Variants in ASTN2 observed in about 807,000 individuals in gnomAD.
ASTN2 encodes the protein astrotactin 2.
Under a neutral mutation model 139.8 loss-of-function variants are expected in ASTN2, and 54 were observed. The ratio of observed to expected loss-of-function variants is 0.39; its 90% CI spans 0.31 to 0.48. ASTN2 has a LOEUF of 0.48. Among genes scored for constraint, ASTN2 ranks in the 20% least tolerant of loss-of-function variants. ASTN2 has a pLI of 0.95. For synonymous variants in ASTN2, 756 were observed against 719.5 expected (o/e 1.05, Z -0.81); for missense variants, 1,565 against 1,725.1 (o/e 0.91, Z 1.64).
intron 1 of ASTN2, among the ~76,000 whole-genome samples, chr9:117,365,879 T>C (rs1421002728): frequency 6.6e-6 from 1 of 152,188 alleles, no homozygotes; most frequent in East Asian, 1.9e-4. Flanking sequence ...ACTTCTCTTA[T>C]TGCTGTTTGT....
chr9:117,157,172 G>T (rs114029951), intron 3 of ASTN2, among the ~76,000 whole-genome samples: 2,599 of 152,094 alleles, frequency 0.017, 67 homozygotes, highest in African/African-American at 0.06. Flanking sequence ...GGAAGACATA[G>T]ACAGGAGGGA....
chr9:117,009,863 A>G (rs146145847), intron 6 of ASTN2, among the ~76,000 whole-genome samples: 101 of 152,306 alleles, frequency 6.6e-4, no homozygotes, highest in African/African-American at 2.4e-3. Flanking sequence ...TCCAATGAGC[A>G]ATGGCCAGGG....
intron 16 of ASTN2, among the ~76,000 whole-genome samples, chr9:116,722,441 T>A (rs1828498582): frequency 1.3e-5 from 2 of 152,200 alleles, no homozygotes; most frequent in African/African-American, 4.8e-5. Flanking sequence ...TCCAGTAATT[T>A]CCAGTGGTTT....
chr9:117,178,366 G>C (rs181369781), intron 3 of ASTN2, among the ~76,000 whole-genome samples: 2 of 152,332 alleles, frequency 1.3e-5, no homozygotes, highest in Non-Finnish European at 2.9e-5. Context: ...AGAAGGAAAG[G>C]AGATGGGTAG....
chr9:117,357,446 G>A (rs1267062146), intron 1 of ASTN2, among the ~76,000 whole-genome samples: 1 of 152,072 alleles, frequency 6.6e-6, no homozygotes, highest in East Asian at 1.9e-4. Context: ...AGGATTCACA[G>A]AGTTGAGGAA....
intron 16 of ASTN2, among the ~76,000 whole-genome samples, chr9:116,676,016 T>C (rs1411860020): frequency 6.6e-6 from 1 of 152,188 alleles, no homozygotes; most frequent in Admixed American, 6.5e-5. Context: ...AGCAGCATAT[T>C]GGGCAGCATT....
At chr9:116,499,196 C>T (rs1189835835) in intron 19 of ASTN2, among the ~76,000 whole-genome samples, 1 of 152,164 alleles carries the variant, frequency 6.6e-6, no homozygotes, top group Non-Finnish European at 1.5e-5. Context: ...TCTTTATTTG[C>T]TTTTTATTAC....
At chr9:116,642,564 C>G (rs1165727682) in intron 17 of ASTN2, among the ~76,000 whole-genome samples, 2 of 152,076 alleles carry the variant, frequency 1.3e-5, no homozygotes, top group African/African-American at 4.8e-5. Context: ...CTGACACTGA[C>G]CCTCTTAGTT....
At chr9:117,201,843 C>T (rs531885761) in intron 3 of ASTN2, among the ~76,000 whole-genome samples, 5 of 152,078 alleles carry the variant, frequency 3.3e-5, no homozygotes, top group South Asian at 2.1e-4. Context: ...ATTCTGTAGA[C>T]GTCTACTAGG....
At chr9:116,704,659 A>G (rs1227453759) in intron 16 of ASTN2, among the ~76,000 whole-genome samples, 4 of 152,188 alleles carry the variant, frequency 2.6e-5, no homozygotes, top group Non-Finnish European at 5.9e-5. Context: ...TGTATTGGTG[A>G]TGCAATAGCA....
intron 10 of ASTN2, among the ~76,000 whole-genome samples, chr9:116,968,453 TCATTG>T (rs748903517): frequency 4.0e-5 from 6 of 151,790 alleles, no homozygotes; most frequent in Non-Finnish European, 7.4e-5. Context: ...GCTCCAAGAG[TCATTG>T]CTGACTCTGC....
At chr9:116,907,326 C>T (rs1834189250) in intron 10 of ASTN2, among the ~76,000 whole-genome samples, 2 of 152,206 alleles carry the variant, frequency 1.3e-5, no homozygotes, top group Admixed American at 6.5e-5. Context: ...CTCAGGCTTT[C>T]CTCAGAAGCC....
chr9:116,913,785 A>G (rs1433879237), intron 10 of ASTN2, among the ~76,000 whole-genome samples: 1 of 151,864 alleles, frequency 6.6e-6, no homozygotes, highest in Non-Finnish European at 1.5e-5. Context: ...AGTAATCTAT[A>G]CTGCTCCTAA....
intron 11 of ASTN2, among the ~76,000 whole-genome samples, chr9:116,824,953 G>A (rs1024129581): frequency 2.6e-5 from 4 of 152,118 alleles, no homozygotes; most frequent in African/African-American, 9.7e-5. Context: ...GAAACAGGGA[G>A]GTTTTAGTCT....
chr9:116,434,289 T>C (rs1427629299), intron 22 of ASTN2, among the ~76,000 whole-genome samples: 4 of 152,222 alleles, frequency 2.6e-5, no homozygotes, highest in African/African-American at 9.6e-5. Flanking sequence ...TCTGAGATTA[T>C]AGGAATATGA....
chr9:117,349,736 G>GC (rs1219533085), intron 1 of ASTN2, among the ~76,000 whole-genome samples: 1 of 152,108 alleles, frequency 6.6e-6, no homozygotes. Flanking sequence ...AATGGACACT[G>GC]CCCCAAATAA....
At chr9:116,941,552 C>A in intron 10 of ASTN2, among the ~76,000 whole-genome samples, 1 of 151,108 alleles carries the variant, frequency 6.6e-6, no homozygotes. Flanking sequence ...AGACTCCCTA[C>A]CCCCCACATC....
At chr9:117,042,459 G>A (rs917278297) in intron 5 of ASTN2, among the ~76,000 whole-genome samples, 1 of 152,010 alleles carries the variant, frequency 6.6e-6, no homozygotes, top group African/African-American at 2.4e-5. Context: ...TGAGATTGTG[G>A]TTATTGTAGT....
chr9:117,295,067 A>G (rs1373945549), intron 1 of ASTN2, among the ~76,000 whole-genome samples: 1 of 152,180 alleles, frequency 6.6e-6, no homozygotes, highest in Non-Finnish European at 1.5e-5. Context: ...CACACCTGTA[A>G]TCTCAGCATT....
Sources: allele counts gnomAD v4.1 joint callset (sites outside exome capture counted in the v4.1 genomes callset), GRCh38; gene constraint gnomAD v4.1.1; transcripts MANE v1.5; gene names NCBI Gene and HGNC (gene_info 2026-07-23, HGNC 2026-07-21).